FANCL: variants seen among roughly 807,000 people sequenced by gnomAD.
The protein encoded by FANCL is FA complementation group L, also known as E3 ubiquitin-protein ligase FANCL.
In FANCL, 69 loss-of-function variants were observed where a neutral mutation model predicts 59.4. The ratio of observed to expected loss-of-function variants is 1.16; its 90% CI spans 0.96 to 1.42. The LOEUF is 1.42. FANCL is among the 40% of genes most tolerant of loss of function. The pLI, the probability that FANCL is intolerant of heterozygous loss-of-function variation, is 0.00. For synonymous variants in FANCL, 180 were observed against 147.1 expected (o/e 1.22, Z -1.62); for missense variants, 519 against 447.2 (o/e 1.16, Z -1.45).
intron 7 of FANCL, among the ~76,000 whole-genome samples, chr2:58,187,559 GTAT>G (rs1558770059): frequency 6.7e-6 from 1 of 150,294 alleles, no homozygotes; most frequent in East Asian, 1.9e-4. Context: ...AAAACTTAAA[GTAT>G]AATAATAAAA....
intron 7 of FANCL, among the ~76,000 whole-genome samples, chr2:58,169,592 T>C (rs1686330367): frequency 6.6e-6 from 1 of 151,804 alleles, no homozygotes; most frequent in Non-Finnish European, 1.5e-5. Context: ...AAGTGGGTAA[T>C]AACAAACTCC....
In FANCL at chr2:58,163,442, G is replaced by C. The variant is rs781438290; in HGVS notation, c.767C>G (p.Ala256Gly). 7 of 1,606,878 alleles carry C rather than the reference G, an allele frequency of 4.4e-6. No individual in the cohort carries two copies. The highest frequency in any genetic ancestry group is 3.3e-4 in the Middle Eastern group (2 of 6,072). Residue 256 changes from alanine to glycine, a missense_variant, in exon 9 of 14, where the codon GCT becomes GGT. Ala to Gly is a moderately conservative substitution (Grantham distance 60, BLOSUM62 0). Transcript: ENST00000233741. ...AATCTCAGATGTCATACCATGGTCAGCTCCAAGAAAGAAGCACTCAGGAAG... is the reference window on the plus strand; with the variant it reads ...AATCTCAGATGTCATACCATGGTCACCTCCAAGAAAGAAGCACTCAGGAAG... ...TMLPECFFLG[A>G]DHVVKPLGIK... is the part of the protein sequence containing the mutation.
chr2:58,241,121 A>G, intron 1 of FANCL, 97 bp downstream of exon 1: 2 of 1,314,896 alleles, frequency 1.5e-6, no homozygotes, highest in Admixed American at 3.7e-5. Flanking sequence ...AATCCCCACA[A>G]GTCTGGGCCC....
chr2:58,171,696 T>A (rs1209983902), intron 7 of FANCL, among the ~76,000 whole-genome samples: 5 of 152,200 alleles, frequency 3.3e-5, no homozygotes, highest in Non-Finnish European at 2.9e-5. Context: ...ACGGGTGATT[T>A]CTGCATTTCC....
At chr2:58,183,680 T>C (rs1033582292) in intron 7 of FANCL, among the ~76,000 whole-genome samples, 1 of 151,970 alleles carries the variant, frequency 6.6e-6, no homozygotes, top group South Asian at 2.1e-4. Context: ...CCTTTCCATA[T>C]TTTCTATAAC....
At chr2:58,186,073 C>T (rs982279602) in intron 7 of FANCL, among the ~76,000 whole-genome samples, 2 of 151,966 alleles carry the variant, frequency 1.3e-5, no homozygotes, top group Non-Finnish European at 2.9e-5. Context: ...CAAAGGAAGC[C>T]GACAGCAACT....
At chr2:58,189,648 C>T (rs949206777) in intron 7 of FANCL, among the ~76,000 whole-genome samples, 2 of 152,026 alleles carry the variant, frequency 1.3e-5, no homozygotes, top group Admixed American at 6.6e-5. Context: ...CAGAATGTAA[C>T]GCTTATTATC....
intron 7 of FANCL, among the ~76,000 whole-genome samples, chr2:58,185,515 C>A (rs1415860972): frequency 2.6e-5 from 4 of 152,082 alleles, no homozygotes; most frequent in Non-Finnish European, 4.4e-5. Flanking sequence ...CACGAACTTA[C>A]AAAAAAACTA....
chr2:58,218,360 T>A lies in FANCL; in HGVS notation c.374+3582A>T, dbSNP rs1692051838. ...AAAATTAACAACGCTAAAAGTTGGG[T>A]CTTTGAAAAAACTTAAATAATTGAT... is the stretch of plus-strand genomic sequence containing the variant. On this transcript the variant is annotated intron_variant, in intron 5 of 13. Coordinates refer to ENST00000233741, the MANE Select transcript of FANCL (RefSeq NM_018062.4). Among the ~76,000 whole-genome samples the A allele has an allele frequency of 2.6e-5, 4 of 151,784 alleles. No homozygotes were observed. In the South Asian group the frequency reaches 6.2e-4, roughly 24 times the overall value.
chr2:58,170,800 G>A (rs577206296), intron 7 of FANCL, among the ~76,000 whole-genome samples: 9 of 152,050 alleles, frequency 5.9e-5, no homozygotes, highest in African/African-American at 2.2e-4. Context: ...ATGGTAAACG[G>A]ATCAATGCAA....
At chr2:58,236,297 C>T (rs928250481) in intron 1 of FANCL, among the ~76,000 whole-genome samples, 12 of 151,592 alleles carry the variant, frequency 7.9e-5, no homozygotes, top group Admixed American at 3.9e-4. Context: ...AGAGATTTCT[C>T]GTAGAAAACA....
In FANCL at chr2:58,233,317, G is replaced by A. The variant is rs545284680; in HGVS notation, c.97-1205C>T. ...CAAAGTCCCTTATTTGCAAAGCCCA[G>A]CCATTTTAAAAGGTCAAATAACATG... On this transcript the variant is annotated intron_variant, in intron 1 of 13. Coordinates refer to ENST00000233741, the MANE Select transcript of FANCL (RefSeq NM_018062.4). 4.5e-4 allele frequency among the ~76,000 whole-genome samples: 69 copies of A among 152,064 alleles called. 2 individuals carry two copies. In the South Asian group the frequency reaches 0.014, roughly 30 times the overall value.
At chr2:58,233,485 C>T (rs1196429422) in intron 1 of FANCL, among the ~76,000 whole-genome samples, 1 of 152,098 alleles carries the variant, frequency 6.6e-6, no homozygotes, top group South Asian at 2.1e-4. Context: ...TTACCTAAAC[C>T]TCCATCTCCC....
At chr2:58,215,086 T>TA (rs1254646451) in intron 5 of FANCL, among the ~76,000 whole-genome samples, 1 of 152,198 alleles carries the variant, frequency 6.6e-6, no homozygotes, top group Admixed American at 6.5e-5. Flanking sequence ...AACTATGCTC[T>TA]AAAAAACAAA....
chr2:58,224,316 C>T (rs1692763455), intron 4 of FANCL, among the ~76,000 whole-genome samples: 1 of 151,760 alleles, frequency 6.6e-6, no homozygotes, highest in Non-Finnish European at 1.5e-5. Context: ...GCAAACTTTT[C>T]TCCAATGTCA....
chr2:58,188,105 G>C (rs572143438), intron 7 of FANCL, among the ~76,000 whole-genome samples: 4 of 152,000 alleles, frequency 2.6e-5, no homozygotes, highest in Non-Finnish European at 5.9e-5. Context: ...TATATGGATC[G>C]ATGAGGTCAT....
Position 58,241,254 on chromosome 2 carries a change from C to G in FANCL, c.60G>C (p.Arg20=), listed in dbSNP as rs749430436. Residue 20 remains arginine, a synonymous_variant, in exon 1 of 14, where the codon CGG becomes CGC. Transcript: ENST00000233741. ...TGAATCCCTCATACACGGTTTTCGA[C>G]CGGTTCTGGGGCAGAAGCAGGGGGC... is the stretch of plus-strand genomic sequence containing the variant. ...RQCPLLLPQN[R]SKTVYEGFIS... is the part of the protein sequence containing the mutation. 1.9e-6 allele frequency: 3 copies of G among 1,614,136 alleles called. No individual in the cohort carries two copies. The South Asian group carries it at 3.3e-5, about 18-fold the overall frequency.
At chr2:58,225,294 G>T (rs1558817589) in intron 4 of FANCL, among the ~76,000 whole-genome samples, 1 of 151,094 alleles carries the variant, frequency 6.6e-6, no homozygotes, top group Non-Finnish European at 1.5e-5. Flanking sequence ...CTAAAAATTG[G>T]TTTCTGTTTT....
chr2:58,195,247 G>A (rs1443204358), intron 7 of FANCL, among the ~76,000 whole-genome samples: 1 of 152,038 alleles, frequency 6.6e-6, no homozygotes, highest in Non-Finnish European at 1.5e-5. Context: ...CTCTTATCAT[G>A]TCTAAAAGAC....
Sources: gnomAD v4.1 joint callset for allele counts (sites outside exome capture counted in the v4.1 genomes callset) on GRCh38, gnomAD v4.1.1 for gene constraint, MANE v1.5 for transcripts, NCBI Gene and HGNC (gene_info 2026-07-23, HGNC 2026-07-21) for gene names.